RALGAPA1: variants seen among roughly 807,000 people sequenced by gnomAD.
RALGAPA1 encodes Ral GTPase activating protein catalytic subunit alpha 1, also known as ral GTPase-activating protein subunit alpha-1.
Under a neutral mutation model 269.6 loss-of-function variants are expected in RALGAPA1, and 52 were observed. That is an observed-to-expected ratio of 0.19 (90% CI 0.15 to 0.24). The LOEUF is 0.24. RALGAPA1 is among the 10% of genes least tolerant of loss of function. The pLI is 1.00. For missense variants in RALGAPA1, 1,917 were observed against 3,013.9 expected, an observed-to-expected ratio of 0.64 and a Z score of 8.52; for synonymous variants, 817 against 1,008.3, an observed-to-expected ratio of 0.81 and a Z score of 3.60.
At position 35,729,102 on chromosome 14, in the gene RALGAPA1, T is replaced by A. The variant is rs1043368038; in HGVS notation, c.1588-592A>T. ...TTGCTATAATAAATTGAAAAAAAAA[T>A]AAATACACATAGTTTAGAATAAAAG... On this transcript the variant is annotated intron_variant, in intron 12 of 41. Transcript: ENST00000680220. 2.9e-4 allele frequency among the ~76,000 whole-genome samples: 44 copies of A among 151,942 alleles called. 1 individual carries two copies. The highest frequency in any genetic ancestry group is 2.6e-3 in the Admixed American group (39 of 15,252).
At chr14:35,666,259 T>A (rs1415164688) in intron 26 of RALGAPA1, among the ~76,000 whole-genome samples, 1 of 151,304 alleles carries the variant, frequency 6.6e-6, no homozygotes, top group Non-Finnish European at 1.5e-5. Flanking sequence ...ACAATTATCT[T>A]TTTTTTTTAA....
chr14:35,714,504 A>G (rs1191196591), intron 16 of RALGAPA1, among the ~76,000 whole-genome samples: 1 of 152,202 alleles, frequency 6.6e-6, no homozygotes, highest in Non-Finnish European at 1.5e-5. Context: ...TTTAAAGTCT[A>G]AAGTTAATGC....
chr14:35,754,048 C>T (rs760612267), intron 7 of RALGAPA1, among the ~76,000 whole-genome samples: 3 of 152,112 alleles, frequency 2.0e-5, no homozygotes, highest in Non-Finnish European at 2.9e-5. Context: ...CTGGCAGACG[C>T]TACCTTAATC....
intron 3 of RALGAPA1, among the ~76,000 whole-genome samples, chr14:35,772,112 G>T (rs933829191): frequency 1.3e-5 from 2 of 152,104 alleles, no homozygotes; most frequent in African/African-American, 4.8e-5. Flanking sequence ...CTGGAGTGCA[G>T]TGGTGTAATC....
chr14:35,790,165 A>C (rs1595563396), intron 1 of RALGAPA1, among the ~76,000 whole-genome samples: 1 of 152,044 alleles, frequency 6.6e-6, no homozygotes, highest in African/African-American at 2.4e-5. Flanking sequence ...AGGCATGAGA[A>C]TAGCTTGAAC....
At chr14:35,584,453 C>T (rs1944477823) in intron 37 of RALGAPA1, among the ~76,000 whole-genome samples, 1 of 152,032 alleles carries the variant, frequency 6.6e-6, no homozygotes, top group African/African-American at 2.4e-5. Context: ...CTTGTATAAA[C>T]AAGGTTTCAC....
At chr14:35,669,902 G>C (rs2064263258) in intron 26 of RALGAPA1, among the ~76,000 whole-genome samples, 1 of 152,184 alleles carries the variant, frequency 6.6e-6, no homozygotes, top group Non-Finnish European at 1.5e-5. Flanking sequence ...ACAATGTTGA[G>C]TAGTACTAGG....
At chr14:35,594,051 A>G (rs965672572) in intron 37 of RALGAPA1, among the ~76,000 whole-genome samples, 1 of 152,112 alleles carries the variant, frequency 6.6e-6, no homozygotes, top group Non-Finnish European at 1.5e-5. Flanking sequence ...TCTCTTCAAC[A>G]TGGTCTTGGG....
At chr14:35,790,731 A>T (rs896882281) in intron 1 of RALGAPA1, among the ~76,000 whole-genome samples, 3 of 151,328 alleles carry the variant, frequency 2.0e-5, no homozygotes, top group African/African-American at 7.3e-5. Flanking sequence ...ATAAATAATG[A>T]TTGTTCAGCA....
At chr14:35,758,355 C>T (rs2073388806) in intron 6 of RALGAPA1, among the ~76,000 whole-genome samples, 1 of 151,086 alleles carries the variant, frequency 6.6e-6, no homozygotes. Flanking sequence ...CAGAAGAACA[C>T]ACTTTATGAA....
chr14:35,788,174 T>A (rs905447520), intron 1 of RALGAPA1, among the ~76,000 whole-genome samples: 2 of 152,024 alleles, frequency 1.3e-5, no homozygotes, highest in South Asian at 2.1e-4. Context: ...GATTTCATCA[T>A]GTTGGCCAGC....
intron 1 of RALGAPA1, among the ~76,000 whole-genome samples, chr14:35,776,387 A>G (rs1204940427): frequency 3.6e-5 from 4 of 110,666 alleles, no homozygotes; most frequent in East Asian, 2.5e-4. Flanking sequence ...ACCTTGGGGA[A>G]AAAAAAAAAA....
intron 37 of RALGAPA1, among the ~76,000 whole-genome samples, chr14:35,584,992 C>T (rs2058187650): frequency 6.6e-6 from 1 of 151,964 alleles, no homozygotes; most frequent in African/African-American, 2.4e-5. Context: ...AAAGATATAC[C>T]ATGCTAACAC....
chr14:35,632,366 A>C (rs1004361351), intron 33 of RALGAPA1, among the ~76,000 whole-genome samples: 1 of 152,196 alleles, frequency 6.6e-6, no homozygotes, highest in Non-Finnish European at 1.5e-5. Flanking sequence ...TCATTTAAAT[A>C]ACTCTATTCA....
intron 36 of RALGAPA1, among the ~76,000 whole-genome samples, chr14:35,603,568 C>T (rs2139161858): frequency 6.6e-6 from 1 of 152,196 alleles, no homozygotes; most frequent in Middle Eastern, 3.4e-3. Flanking sequence ...CAGCTTTATT[C>T]ACAACAGCCA....
At position 35,549,976 on chromosome 14, in the gene RALGAPA1, T is replaced by C. The variant is rs191172512; in HGVS notation, c.7497-742A>G. The stretch of plus-strand genomic sequence containing the variant: ...CAGGGCACTGACACTGACAGAAAAA[T>C]ACTGTAGTTCCTTTTCACCACATTT... On this transcript the variant is annotated intron_variant, in intron 39 of 41. Coordinates refer to ENST00000680220, the MANE Select transcript of RALGAPA1 (RefSeq NM_001346249.2). 3.2e-4 allele frequency among the ~76,000 whole-genome samples: 49 copies of C among 152,256 alleles called. No homozygotes were observed. The East Asian group carries it at 9.3e-3, about 29-fold the overall frequency.
rs1343550866 is a variant in RALGAPA1, at chr14:35,700,271, A to G, written c.2298T>C (p.Ala766=). ...AMRSRSIGEC[A]LPSAYIRSAK... is the part of the protein sequence containing the mutation. ...CACTGCGTATATAGGCCGATGGCAG[A>G]GCACATTCACCAATGGATCGGCTTC... Residue 766 remains alanine, a synonymous_variant, in exon 17 of 42, where the codon GCT becomes GCC. Transcript: ENST00000680220. 2.6e-6 allele frequency: 4 copies of G among 1,532,036 alleles called. No homozygotes were observed. In the East Asian group the frequency reaches 9.8e-5, roughly 38 times the overall value. The allele number at this position is 1,532,036 out of a possible 1,614,324, so 94.9% of individuals were successfully genotyped here.
At chr14:35,804,634 A>G (rs1466828047) in intron 1 of RALGAPA1, among the ~76,000 whole-genome samples, 2 of 151,906 alleles carry the variant, frequency 1.3e-5, no homozygotes, top group Non-Finnish European at 2.9e-5. Context: ...CTATTCAGAA[A>G]TAAAAAGAGA....
At chr14:35,654,165 T>C (rs1219692741) in intron 30 of RALGAPA1, among the ~76,000 whole-genome samples, 1 of 152,182 alleles carries the variant, frequency 6.6e-6, no homozygotes, top group Non-Finnish European at 1.5e-5. Context: ...GCTTTTACTT[T>C]GTCCAAAACC....
Sources: allele counts gnomAD v4.1 joint callset (sites outside exome capture counted in the v4.1 genomes callset), GRCh38; gene constraint gnomAD v4.1.1; transcripts MANE v1.5; gene names NCBI Gene and HGNC (gene_info 2026-07-23, HGNC 2026-07-21).